RECK: variants seen among roughly 807,000 people sequenced by gnomAD.
The protein encoded by RECK is reversion-inducing cysteine-rich protein with Kazal motifs.
In RECK, 69 loss-of-function variants were observed where a neutral mutation model predicts 115.1. The observed-to-expected ratio is 0.60, with a 90% CI of 0.49 to 0.73. RECK has a LOEUF of 0.73. Among genes scored for constraint, RECK ranks in the 30% least tolerant of loss-of-function variants. The pLI is 0.00. For missense variants in RECK, 1,047 were observed against 1,203.7 expected, an observed-to-expected ratio of 0.87 and a Z score of 1.93; for synonymous variants, 414 against 419.7, an observed-to-expected ratio of 0.99 and a Z score of 0.17.
intron 8 of RECK, among the ~76,000 whole-genome samples, chr9:36,083,804 A>G (rs576712899): frequency 6.6e-6 from 1 of 152,306 alleles, no homozygotes; most frequent in South Asian, 2.1e-4. Context: ...GAGTTCACTG[A>G]TATGGATTTT....
In RECK at chr9:36,079,719, G is replaced by T. The variant is rs117289836; in HGVS notation, c.406-886G>T. Among the ~76,000 whole-genome samples, 1,098 of 152,188 alleles carry T rather than the reference G, an allele frequency of 7.2e-3. 11 individuals are homozygous for T. The highest frequency in any genetic ancestry group is 0.011 in the Non-Finnish European group (767 of 67,992). On this transcript the variant is annotated intron_variant, in intron 6 of 20. Transcript: ENST00000377966. ...ATAAGGGTGTGCTTGATTTCCTTCT[G>T]CCTGTAATTTATGCCCATATTATTT...
At chr9:36,115,976 C>T (rs1457358412) in intron 16 of RECK, among the ~76,000 whole-genome samples, 1 of 152,082 alleles carries the variant, frequency 6.6e-6, no homozygotes, top group African/African-American at 2.4e-5. Flanking sequence ...TGAAGGAGCT[C>T]AGGAATTGAG....
At chr9:36,076,545 TC>T (rs1822457790) in intron 6 of RECK, among the ~76,000 whole-genome samples, 1 of 152,152 alleles carries the variant, frequency 6.6e-6, no homozygotes. Context: ...TACCTGGAAT[TC>T]CCTCTTCCTG....
rs201048177 is a variant in RECK at position 36,089,444 on chromosome 9, AAACT to A, written c.905+1489_905+1492del. On this transcript the variant is annotated intron_variant, in intron 9 of 20. Coordinates refer to ENST00000377966, the MANE Select transcript of RECK (RefSeq NM_021111.3). ...ATGTAATTTTTCTTTTACACTTAAT[AAACT>A]AACTATGAGATGTTAAATAACCTGT... Among the ~76,000 whole-genome samples, 72 of 152,340 alleles carry A rather than the reference AAACT, an allele frequency of 4.7e-4. 1 individual carries two copies. In the East Asian group the frequency reaches 0.012, roughly 25 times the overall value.
In RECK at chr9:36,118,904, G is replaced by C; in HGVS notation, c.2401G>C (p.Glu801Gln). ...CCTCTCAGAGCACAGCTCCGTCGCC[G>C]AGTGTGCTTCTGTCAAGTGTCCTTC... Reference protein sequence around the residue: ...GVLSEHSSVAECASVKCPSLL... With the variant: ...GVLSEHSSVAQCASVKCPSLL... Residue 801 changes from glutamate to glutamine, a missense_variant, in exon 18 of 21, where the codon GAG (glutamate) becomes CAG (glutamine). Glu to Gln is a conservative substitution (Grantham distance 29). Coordinates refer to ENST00000377966, the MANE Select transcript of RECK (RefSeq NM_021111.3). 1 of 1,613,714 alleles carries C rather than the reference G, an allele frequency of 6.2e-7. No homozygotes were observed. The highest frequency in any genetic ancestry group is 8.5e-7 in the Non-Finnish European group (1 of 1,180,024).
chr9:36,102,722 G>T (rs1248767859), intron 12 of RECK, among the ~76,000 whole-genome samples: 2 of 152,126 alleles, frequency 1.3e-5, no homozygotes, highest in Admixed American at 6.5e-5. Flanking sequence ...CTGAGAAGCT[G>T]AGGCAGGCGG....
At chr9:36,091,446 A>G in intron 10 of RECK, 103 bp downstream of exon 10, 1 of 903,780 alleles carries the variant, frequency 1.1e-6, no homozygotes, top group Non-Finnish European at 1.6e-6. Flanking sequence ...GTTAAAAGAA[A>G]GTCTTCTTTA....
Position 36,081,689 on chromosome 9 carries a change from C to T in RECK, c.439+1051C>T, listed in dbSNP as rs1822700339. ...TCTCTACTAAAAATACAAAAATTAG[C>T]TGGGCATGGTGGCACGTGCCTGTAA... On this transcript the variant is annotated intron_variant, in intron 7 of 20. Transcript: ENST00000377966. Among the ~76,000 whole-genome samples the T allele has an allele frequency of 3.9e-5, 6 of 152,056 alleles. No individual in the cohort carries two copies. The South Asian group carries it at 1.2e-3, about 32-fold the overall frequency.
rs956058442 is a variant in RECK at position 36,037,034 on chromosome 9, G to A, written c.36G>A (p.Leu12=). The A allele has an allele frequency of 7.1e-7, 1 of 1,417,596 alleles. No homozygotes were observed. Among genetic ancestry groups the A allele is most frequent in the Non-Finnish European group, 9.2e-7 (1 of 1,081,842 alleles). 87.8% of individuals were successfully genotyped at this position (1,417,596 alleles called of 1,614,324 possible). A position where few individuals can be genotyped will look rare whatever the true frequency, so the allele number is the denominator to read the frequency against. The change falls in exon 1 of 21, where the codon CTG becomes CTA. Residue 12 remains leucine, a synonymous_variant. Transcript: ENST00000377966. ...TCCGGGCCTCTCTGCGAGGTGCGCTGCTCCTTCTGCTGGCCGTGGCGGGGG... is the reference window on the plus strand; with the variant it reads ...TCCGGGCCTCTCTGCGAGGTGCGCTACTCCTTCTGCTGGCCGTGGCGGGGG... The part of the protein sequence containing the change: ...ATVRASLRGA[L]LLLLAVAGVA...
chr9:36,090,931 T>A (rs1823132326), intron 9 of RECK, among the ~76,000 whole-genome samples: 1 of 152,178 alleles, frequency 6.6e-6, no homozygotes, highest in Non-Finnish European at 1.5e-5. Context: ...GGCACTGAGA[T>A]TTCTAGCAAC....
intron 12 of RECK, among the ~76,000 whole-genome samples, chr9:36,104,292 G>GCATA (rs1554709313): frequency 6.8e-4 from 30 of 43,876 alleles, no homozygotes; most frequent in African/African-American, 2.0e-3. Context: ...GTGTGTGTGT[G>GCATA]TATATATATA....
At chr9:36,069,497 A>G (rs917504440) in intron 6 of RECK, among the ~76,000 whole-genome samples, 5 of 149,080 alleles carry the variant, frequency 3.4e-5, no homozygotes, top group Admixed American at 1.3e-4. Flanking sequence ...AAAAAAAAAA[A>G]AAGAAGAGCA....
chr9:36,037,194 C>A, intron 1 of RECK, 96 bp downstream of exon 1: 2 of 815,590 alleles, frequency 2.5e-6, no homozygotes, highest in Non-Finnish European at 1.6e-6. Flanking sequence ...TGCGCGCGAC[C>A]CCCAGACCCT....
chr9:36,109,842 C>CAAAAA, intron 14 of RECK, 115 bp from the exon 15 acceptor site: 1 of 858,394 alleles, frequency 1.2e-6, no homozygotes, highest in Non-Finnish European at 1.7e-6. Context: ...AGACCCTTCT[C>CAAAAA]AAAAAAAAAA....
At position 36,049,347 on chromosome 9, in the gene RECK, G is replaced by A. The variant is rs191750694; in HGVS notation, c.101-2918G>A. ...TCAGGTTGATACCATGTGGCTAAAAGCCCCAGCTCTTTAAACACATGGCTG... is the reference window on the plus strand; with the variant it reads ...TCAGGTTGATACCATGTGGCTAAAAACCCCAGCTCTTTAAACACATGGCTG... On this transcript the variant is annotated intron_variant, in intron 1 of 20. Coordinates refer to ENST00000377966, the MANE Select transcript of RECK (RefSeq NM_021111.3). 3.9e-5 allele frequency among the ~76,000 whole-genome samples: 6 copies of A among 152,272 alleles called. No individual in the cohort carries two copies. The East Asian group carries it at 1.2e-3, about 29-fold the overall frequency.
At chr9:36,080,480 C>T (rs1366975015) in intron 6 of RECK, 125 bp from the exon 7 acceptor site, 1 of 787,986 alleles carries the variant, frequency 1.3e-6, no homozygotes, top group Admixed American at 2.4e-5. Context: ...TGTTTTCAGT[C>T]TTGGATTTAG....
chr9:36,103,426 A>C (rs1032190111), intron 12 of RECK, among the ~76,000 whole-genome samples: 1 of 152,262 alleles, frequency 6.6e-6, no homozygotes, highest in African/African-American at 2.4e-5. Flanking sequence ...CTTTGTCATC[A>C]CAACATGGCT....
intron 6 of RECK, among the ~76,000 whole-genome samples, chr9:36,077,905 C>T (rs962466612): frequency 2.6e-5 from 4 of 152,180 alleles, no homozygotes; most frequent in Admixed American, 6.5e-5. Flanking sequence ...GTGTGCTTAG[C>T]GTGAGGTAGC....
chr9:36,045,504 C>T (rs990299470), intron 1 of RECK, among the ~76,000 whole-genome samples: 2 of 151,672 alleles, frequency 1.3e-5, no homozygotes, highest in African/African-American at 4.8e-5. Context: ...CACACACACA[C>T]ATCTATGTAT....
Sources: allele counts gnomAD v4.1 joint callset (sites outside exome capture counted in the v4.1 genomes callset), GRCh38; gene constraint gnomAD v4.1.1; transcripts MANE v1.5; gene names NCBI Gene and HGNC (gene_info 2026-07-23, HGNC 2026-07-21).